The following FCRL5 variants were observed in gnomAD, a reference collection of about 807,000 sequenced individuals.
The protein encoded by FCRL5 is Fc receptor-like protein 5.
In FCRL5, 79 loss-of-function variants were observed where a neutral mutation model predicts 92.1. The observed-to-expected ratio is 0.86, with a 90% confidence interval of 0.72 to 1.03. The LOEUF is 1.03. Ranked by LOEUF, FCRL5 falls within the 50% of genes least tolerant of loss-of-function variation. The pLI is 0.00. For missense variants in FCRL5, 1,160 were observed against 1,181.1 expected (o/e 0.98, Z 0.26); for synonymous variants, 466 against 469.3 (o/e 0.99, Z 0.09).
chr1:157,517,732 A>G (rs554206343), intron 15 of FCRL5, among the ~76,000 whole-genome samples: 47 of 152,088 alleles, frequency 3.1e-4, no homozygotes, highest in Non-Finnish European at 5.6e-4. Context: ...CATCCCCCCA[A>G]ATTTATGGTC....
intron 9 of FCRL5, among the ~76,000 whole-genome samples, chr1:157,527,032 C>T (rs1006861665): frequency 5.3e-5 from 8 of 152,132 alleles, no homozygotes; most frequent in Non-Finnish European, 4.4e-5. Context: ...AAAGCCTTCA[C>T]TGAGAGTGGG....
chr1:157,538,278 G>C (rs1280218491), intron 7 of FCRL5, among the ~76,000 whole-genome samples: 5 of 152,086 alleles, frequency 3.3e-5, no homozygotes, highest in East Asian at 1.9e-4. Flanking sequence ...GTCTTCCAAG[G>C]TGGTATTATT....
chr1:157,520,836 G>T (rs769230264), intron 11 of FCRL5, among the ~76,000 whole-genome samples, 181 bp downstream of exon 11: 1 of 152,222 alleles, frequency 6.6e-6, no homozygotes, highest in African/African-American at 2.4e-5. Flanking sequence ...GCCAACCCGC[G>T]CTCTCAGCCC....
chr1:157,518,746 A>G lies in FCRL5; in HGVS notation c.2697T>C (p.Tyr899=), dbSNP rs764589529. The G allele has an allele frequency of 6.2e-6, 10 of 1,613,408 alleles. No homozygotes were observed. The highest frequency in any genetic ancestry group is 7.6e-6 in the Non-Finnish European group (9 of 1,179,924). The change falls in exon 14 of 17, where the codon TAT becomes TAC. Residue 899 remains tyrosine, a synonymous_variant. Transcript: ENST00000361835. ...PSDSDSQEPT[Y]HNVPAWEELQ... ...GCTCTTCCCAGGCTGGTACATTGTGATAGGTGGGCTCTTGGGAGTCCGAGT... is the reference window on the plus strand; with the variant it reads ...GCTCTTCCCAGGCTGGTACATTGTGGTAGGTGGGCTCTTGGGAGTCCGAGT...
chr1:157,548,235 C>T (rs148987287), intron 2 of FCRL5, among the ~76,000 whole-genome samples: 6 of 152,344 alleles, frequency 3.9e-5, no homozygotes, highest in African/African-American at 1.4e-4. Context: ...GCTATCCTGG[C>T]CCTTGGACGA....
At position 157,534,909 on chromosome 1, in the gene FCRL5, T is replaced by C. The variant is rs1206670913; in HGVS notation, c.1403-17A>G. The C allele has an allele frequency of 3.3e-6, 5 of 1,517,268 alleles. No individual in the cohort carries two copies. The African/African-American group carries it at 7.0e-5, about 21-fold the overall frequency. The allele number at this position is 1,517,268 out of a possible 1,614,324, so 94.0% of individuals were successfully genotyped here. On this transcript the variant is annotated splice_polypyrimidine_tract_variant and intron_variant, in intron 7 of 16. Transcript: ENST00000361835. The stretch of plus-strand genomic sequence containing the variant: ...ACACAGGGACTGAGGAAGAGAAAGA[T>C]TGAATCAAGAGTTGCTTTTGCCTCT...
At chr1:157,515,981 T>C (rs1224886729) in intron 15 of FCRL5, 108 bp from the exon 16 acceptor site, 2 of 1,217,200 alleles carry the variant, frequency 1.6e-6, no homozygotes, top group Non-Finnish European at 2.4e-6. Context: ...GCTCTCCCTC[T>C]GTGCGGTGAG....
At position 157,518,720 on chromosome 1, in the gene FCRL5, A is replaced by AG; in HGVS notation, c.2722dup (p.Leu908ProfsTer7). ...CTCACCATTAGTGTACACTGGTTGCAGCTCTTCCCAGGCTGGTACATTGTG... is the reference window on the plus strand; with the variant it reads ...CTCACCATTAGTGTACACTGGTTGCAGGCTCTTCCCAGGCTGGTACATTGTG... On this transcript the variant is annotated frameshift_variant, in exon 14 of 17. Coordinates refer to ENST00000361835, the MANE Select transcript of FCRL5 (RefSeq NM_031281.3). LOFTEE classifies it high-confidence loss of function. The AG allele has an allele frequency of 1.2e-6, 2 of 1,613,340 alleles. No individual in the cohort carries two copies.
At chr1:157,528,006 T>C in intron 8 of FCRL5, 111 bp from the exon 9 acceptor site, 1 of 1,262,176 alleles carries the variant, frequency 7.9e-7, no homozygotes, top group Admixed American at 2.6e-5. Context: ...TCCAAATTGG[T>C]AAAGAGGAAG....
At position 157,543,123 on chromosome 1, in the gene FCRL5, G is replaced by C; in HGVS notation, c.859C>G (p.Pro287Ala). ...WIQVQIPASH[P>A]VLTLSPEKAL... ...TTTTCAGGGCTGAGAGTGAGGACAG[G>C]ATGAGATGCAGGGACTGAGCAAGAG... Residue 287 changes from proline (P) to alanine (A), a missense_variant, in exon 6 of 17, where the codon CCT becomes GCT. By Grantham distance (27) the Pro-to-Ala change is conservative. Coordinates refer to ENST00000361835, the MANE Select transcript of FCRL5 (RefSeq NM_031281.3). 1 of 1,614,020 alleles carries C rather than the reference G, an allele frequency of 6.2e-7. No individual in the cohort carries two copies. Among genetic ancestry groups the C allele is most frequent in the Non-Finnish European group, 8.5e-7 (1 of 1,179,958 alleles).
chr1:157,515,506 G>A lies in FCRL5; in HGVS notation c.*169C>T. ...GGCTTTAACTGGGAAACAGGTGACA[G>A]TCCAGCAGGGCCCTGCATTCTGGTC... On this transcript the variant is annotated 3_prime_UTR_variant, in exon 17 of 17. Transcript: ENST00000361835. The A allele has an allele frequency of 2.8e-6, 4 of 1,448,050 alleles. No individual in the cohort carries two copies. Among genetic ancestry groups the A allele is most frequent in the African/African-American group, 1.4e-5 (1 of 71,636 alleles). The allele number at this position is 1,448,050 out of a possible 1,614,324, so 89.7% of individuals were successfully genotyped here.
In FCRL5 at chr1:157,518,457, C is replaced by T. The variant is rs947595884; in HGVS notation, c.2784G>A (p.Arg928=). 2 of 1,614,132 alleles carry T rather than the reference C, an allele frequency of 1.2e-6. No homozygotes were observed. Among genetic ancestry groups the T allele is most frequent in the Admixed American group, 1.7e-5 (1 of 60,020 alleles). Residue 928 remains arginine (R), a synonymous_variant, in exon 15 of 17, where the codon CGG becomes CGA. Transcript: ENST00000361835. ...RGENVVYSEV[R]IIQEKKKHAV... ...CATGTTTCTTTTTCTCTTGGATGAT[C>T]CGTACTTCTGAGTAAACCACATTTT...
At chr1:157,545,196 A>C (rs1651473724) in intron 3 of FCRL5, 114 bp from the exon 4 acceptor site, 1 of 1,162,026 alleles carries the variant, frequency 8.6e-7, no homozygotes, top group South Asian at 1.5e-5. Context: ...AGAACTCTTA[A>C]AATAATTATC....
At chr1:157,545,163 T>C in intron 3 of FCRL5, 81 bp from the exon 4 acceptor site, 1 of 1,482,126 alleles carries the variant, frequency 6.7e-7, no homozygotes, top group Admixed American at 2.4e-5. Context: ...TAGATTTTAT[T>C]TTAAAAAAAT....
chr1:157,543,805 C>A (rs1326462159), intron 5 of FCRL5, among the ~76,000 whole-genome samples: 1 of 152,148 alleles, frequency 6.6e-6, no homozygotes, highest in Non-Finnish European at 1.5e-5. Context: ...AATGGTAAAC[C>A]TCCAGAGTCA....
intron 8 of FCRL5, chr1:157,534,315 G>T: frequency 1.4e-6 from 1 of 704,204 alleles, no homozygotes; most frequent in Non-Finnish European, 2.6e-6. Flanking sequence ...AGAGAAGTAG[G>T]ACACGCTCCG....
chr1:157,527,336 G>A (rs1156559912), intron 9 of FCRL5, among the ~76,000 whole-genome samples: 1 of 152,216 alleles, frequency 6.6e-6, no homozygotes, highest in African/African-American at 2.4e-5. Flanking sequence ...CTGTTGGCCA[G>A]AATATAGTTT....
In FCRL5 at chr1:157,534,601, A is replaced by G. The variant is rs545629598; in HGVS notation, c.1681+13T>C. On this transcript the variant is annotated intron_variant, in intron 8 of 16. Transcript: ENST00000361835. ...AGCCAGGGGTGGGTGACTGGCAAGA[A>G]CCCAGCACTTACCAGTGACAAAAAG... The G allele has an allele frequency of 6.2e-7, 1 of 1,614,090 alleles. No homozygotes were observed. The highest frequency in any genetic ancestry group is 1.1e-5 in the South Asian group (1 of 91,076).
chr1:157,524,984 C>G (rs1468434766), intron 9 of FCRL5, among the ~76,000 whole-genome samples: 1 of 152,118 alleles, frequency 6.6e-6, no homozygotes, highest in South Asian at 2.1e-4. Context: ...TTTTTACATT[C>G]ATTTATCCAT....
Sources: allele counts gnomAD v4.1 joint callset (sites outside exome capture counted in the v4.1 genomes callset), GRCh38; gene constraint gnomAD v4.1.1; transcripts MANE v1.5; gene names NCBI Gene and HGNC (gene_info 2026-07-23, HGNC 2026-07-21).